ANKS1B: variants seen among roughly 807,000 people sequenced by gnomAD.
ANKS1B encodes ankyrin repeat and sterile alpha motif domain containing 1B.
A neutral mutation model predicts 148.3 loss-of-function variants in ANKS1B; 36 were observed. The ratio of observed to expected loss-of-function variants is 0.24; its 90% CI spans 0.19 to 0.32. ANKS1B has a LOEUF of 0.32. ANKS1B is among the 10% of genes least tolerant of loss of function. ANKS1B has a pLI of 1.00. For synonymous variants in ANKS1B, 542 were observed against 560.8 expected, an observed-to-expected ratio of 0.97 and a Z score of 0.47; for missense variants, 1,157 against 1,542.6, an observed-to-expected ratio of 0.75 and a Z score of 4.19.
chr12:98,978,371 T>A (rs1237403053), intron 17 of ANKS1B, among the ~76,000 whole-genome samples: 1 of 152,184 alleles, frequency 6.6e-6, no homozygotes, highest in East Asian at 1.9e-4. Flanking sequence ...AAAGTATAAA[T>A]CTGTAGTTTA....
At chr12:99,205,160 AAG>A (rs964872475) in intron 14 of ANKS1B, among the ~76,000 whole-genome samples, 1 of 152,198 alleles carries the variant, frequency 6.6e-6, no homozygotes, top group African/African-American at 2.4e-5. Context: ...CCAAGAAACC[AAG>A]AGAGTGCGAG....
At chr12:98,757,135 C>A (rs1479581674) in intron 25 of ANKS1B, among the ~76,000 whole-genome samples, 1 of 152,142 alleles carries the variant, frequency 6.6e-6, no homozygotes, top group Non-Finnish European at 1.5e-5. Context: ...GCTGCCTGGA[C>A]AGGAACAACG....
intron 2 of ANKS1B, among the ~76,000 whole-genome samples, chr12:99,824,674 T>C (rs769783053): frequency 1.3e-4 from 20 of 152,080 alleles, no homozygotes; most frequent in African/African-American, 4.8e-4. Context: ...TTTAACTCTG[T>C]CACTAAACCA....
intron 9 of ANKS1B, among the ~76,000 whole-genome samples, chr12:99,541,803 C>T (rs555110378): frequency 3.4e-4 from 51 of 151,580 alleles, no homozygotes; most frequent in African/African-American, 1.0e-3. Flanking sequence ...TGCAGTGAGC[C>T]GAGATCATGC....
At chr12:99,024,036 G>T (rs1249936389) in intron 17 of ANKS1B, among the ~76,000 whole-genome samples, 1 of 151,500 alleles carries the variant, frequency 6.6e-6, no homozygotes, top group African/African-American at 2.4e-5. Flanking sequence ...GCCGAGAATT[G>T]AGGTAATCAT....
intron 9 of ANKS1B, among the ~76,000 whole-genome samples, chr12:99,525,384 T>C (rs1187671005): frequency 6.6e-6 from 1 of 152,144 alleles, no homozygotes; most frequent in Non-Finnish European, 1.5e-5. Context: ...TAAAGTGCAT[T>C]TGGAAAAATA....
At chr12:99,921,811 C>G (rs143303647) in intron 1 of ANKS1B, among the ~76,000 whole-genome samples, 3 of 152,186 alleles carry the variant, frequency 2.0e-5, no homozygotes, top group Non-Finnish European at 4.4e-5. Flanking sequence ...CTATGAAAAT[C>G]TCCTGTATAA....
chr12:99,531,487 T>TGTATGG (rs1362103503), intron 9 of ANKS1B, among the ~76,000 whole-genome samples: 1 of 152,150 alleles, frequency 6.6e-6, no homozygotes, highest in African/African-American at 2.4e-5. Flanking sequence ...CCAAGTTACT[T>TGTATGG]CACTTAGGAT....
chr12:99,573,262 C>A (rs569965582), intron 9 of ANKS1B, among the ~76,000 whole-genome samples: 2 of 152,176 alleles, frequency 1.3e-5, no homozygotes, highest in East Asian at 3.9e-4. Context: ...GTTTAACCAC[C>A]TTTCTATTCC....
At chr12:99,869,489 C>CA (rs1249792086) in intron 1 of ANKS1B, among the ~76,000 whole-genome samples, 10 of 151,798 alleles carry the variant, frequency 6.6e-5, no homozygotes, top group African/African-American at 2.4e-4. Flanking sequence ...GCCTGACCAA[C>CA]ATGGAGAAAC....
At chr12:99,514,292 C>T (rs1455086838) in intron 9 of ANKS1B, among the ~76,000 whole-genome samples, 5 of 151,922 alleles carry the variant, frequency 3.3e-5, no homozygotes, top group Non-Finnish European at 5.9e-5. Flanking sequence ...AGAATTAAAG[C>T]ACCATAGGGG....
At chr12:98,767,543 G>A (rs1275826593) in intron 25 of ANKS1B, among the ~76,000 whole-genome samples, 1 of 152,158 alleles carries the variant, frequency 6.6e-6, no homozygotes, top group Non-Finnish European at 1.5e-5. Flanking sequence ...AAATGAGCAT[G>A]GTTAAAAATA....
At chr12:99,593,145 G>A (rs1462863506) in intron 9 of ANKS1B, among the ~76,000 whole-genome samples, 7 of 151,994 alleles carry the variant, frequency 4.6e-5, no homozygotes, top group African/African-American at 1.4e-4. Context: ...AATGAGGCAC[G>A]TCCATCCCTC....
chr12:99,634,688 A>G (rs2098214912), intron 9 of ANKS1B, among the ~76,000 whole-genome samples: 2 of 152,208 alleles, frequency 1.3e-5, no homozygotes, highest in African/African-American at 4.8e-5. Context: ...AAAGCAGAAA[A>G]GCTTTATGAC....
intron 15 of ANKS1B, among the ~76,000 whole-genome samples, chr12:99,148,415 A>ATT (rs558527871): frequency 2.7e-5 from 4 of 146,182 alleles, no homozygotes. Context: ...AATCATGGCA[A>ATT]TTTTTTTTTT....
At chr12:98,777,496 C>G (rs10777945) in intron 24 of ANKS1B, among the ~76,000 whole-genome samples, 78,374 of 152,032 alleles carry the variant, frequency 0.52, 21,347 homozygotes, top group African/African-American at 0.68. Flanking sequence ...GAAGACCTCC[C>G]TCCCCGACTC....
chr12:99,845,005 T>C (rs10778027), intron 1 of ANKS1B, among the ~76,000 whole-genome samples: 94,323 of 151,934 alleles, frequency 0.62, 30,856 homozygotes, highest in African/African-American at 0.77. Context: ...ATTGTGAATG[T>C]GAGTTCATTC....
intron 14 of ANKS1B, chr12:99,154,784 T>A: frequency 6.9e-7 from 1 of 1,449,868 alleles, no homozygotes. Flanking sequence ...GCAGCCAGAA[T>A]TCTTTTTTAT....
intron 1 of ANKS1B, among the ~76,000 whole-genome samples, chr12:99,842,882 T>C (rs1265087724): frequency 2.6e-5 from 4 of 152,212 alleles, no homozygotes; most frequent in Admixed American, 6.6e-5. Flanking sequence ...TTTTCAAGCT[T>C]ATTAATTGCA....
Sources: allele counts gnomAD v4.1 joint callset (sites outside exome capture counted in the v4.1 genomes callset), GRCh38; gene constraint gnomAD v4.1.1; transcripts MANE v1.5; gene names NCBI Gene and HGNC (gene_info 2026-07-23, HGNC 2026-07-21).